Variants in HECW2 observed in about 807,000 individuals in gnomAD.
The protein encoded by HECW2 is HECT, C2 and WW domain containing E3 ubiquitin protein ligase 2.
Under a neutral mutation model 175.2 loss-of-function variants are expected in HECW2, and 61 were observed. That is an observed-to-expected ratio of 0.35 (90% CI 0.28 to 0.43). The LOEUF is 0.43. Ranked by LOEUF, HECW2 falls within the 20% of genes least tolerant of loss-of-function variation. The pLI, the probability that HECW2 is intolerant of heterozygous loss-of-function variation, is 1.00. For synonymous variants in HECW2, 671 were observed against 731.0 expected (o/e 0.92, Z 1.32); for missense variants, 1,524 against 2,000.5 (o/e 0.76, Z 4.54).
intron 19 of HECW2, 96 bp from the exon 20 acceptor site, chr2:196,242,300 C>G: frequency 6.8e-7 from 1 of 1,476,508 alleles, no homozygotes; most frequent in Non-Finnish European, 9.3e-7. Flanking sequence ...ATCAACAAGT[C>G]AAATGAGGCA....
chr2:196,460,257 ACT>A (rs1354497582), intron 1 of HECW2, among the ~76,000 whole-genome samples: 4 of 152,158 alleles, frequency 2.6e-5, no homozygotes, highest in African/African-American at 9.7e-5. Flanking sequence ...TAATTAAAAG[ACT>A]CTAAGAAATA....
intron 1 of HECW2, chr2:196,592,851 A>T (rs986918102): frequency 6.7e-6 from 1 of 150,022 alleles, no homozygotes; most frequent in Non-Finnish European, 1.5e-5. Flanking sequence ...AGTCGCCCGG[A>T]CCCGCGGCCC....
At chr2:196,464,357 T>C (rs774178493) in intron 1 of HECW2, among the ~76,000 whole-genome samples, 1 of 152,186 alleles carries the variant, frequency 6.6e-6, no homozygotes, top group Non-Finnish European at 1.5e-5. Flanking sequence ...GTTAGAATGA[T>C]AACTTAAGTA....
intron 15 of HECW2, among the ~76,000 whole-genome samples, chr2:196,274,360 CTCTT>C (rs1188188074): frequency 6.6e-6 from 1 of 152,166 alleles, no homozygotes; most frequent in Non-Finnish European, 1.5e-5. Flanking sequence ...GGGGCAGTGA[CTCTT>C]TACCAAGTGG....
intron 3 of HECW2, among the ~76,000 whole-genome samples, chr2:196,336,562 C>T (rs1348385311): frequency 6.6e-6 from 1 of 152,154 alleles, no homozygotes; most frequent in South Asian, 2.1e-4. Flanking sequence ...AGATATCTTC[C>T]CCTAACTCTG....
intron 17 of HECW2, 182 bp from the exon 18 acceptor site, chr2:196,258,088 G>C: frequency 7.4e-6 from 4 of 537,628 alleles, no homozygotes; most frequent in Non-Finnish European, 1.3e-5. Flanking sequence ...CAAGGGGGGG[G>C]ATCTTGTAAG....
intron 1 of HECW2, among the ~76,000 whole-genome samples, chr2:196,570,703 T>A (rs1690354059): frequency 6.6e-6 from 1 of 152,184 alleles, no homozygotes; most frequent in African/African-American, 2.4e-5. Context: ...AAGTATAATT[T>A]AAAAATAGAA....
chr2:196,436,120 G>C (rs927181215), intron 1 of HECW2, among the ~76,000 whole-genome samples: 4 of 152,220 alleles, frequency 2.6e-5, no homozygotes, highest in Non-Finnish European at 5.9e-5. Flanking sequence ...TGGTCTTCGA[G>C]CCGGGCCTGG....
In HECW2 at chr2:196,587,891, C is replaced by T. The variant is rs1691042827; in HGVS notation, c.-36+5617G>A. Among the ~76,000 whole-genome samples the T allele has an allele frequency of 2.6e-5, 4 of 152,200 alleles. No individual in the cohort carries two copies. In the South Asian group the frequency reaches 8.3e-4, roughly 32 times the overall value. ...TTCTGGTCTCATTTCTGACTTCCCC[C>T]TTGTCATTCCACCCCATCATGCTGA... On this transcript the variant is annotated intron_variant, in intron 1 of 28. Transcript: ENST00000644978.
chr2:196,463,310 G>C (rs1161642271), intron 1 of HECW2, among the ~76,000 whole-genome samples: 1 of 151,528 alleles, frequency 6.6e-6, no homozygotes, highest in Non-Finnish European at 1.5e-5. Flanking sequence ...AGCTGCCTCA[G>C]TGCCTAGAAT....
intron 1 of HECW2, among the ~76,000 whole-genome samples, chr2:196,456,298 G>C (rs1419990650): frequency 6.6e-6 from 1 of 152,158 alleles, no homozygotes; most frequent in Non-Finnish European, 1.5e-5. Context: ...AGGCAAAATT[G>C]TAAAGCAGAA....
intron 24 of HECW2, among the ~76,000 whole-genome samples, chr2:196,221,413 A>T (rs1210781389): frequency 6.6e-6 from 1 of 152,206 alleles, no homozygotes. Context: ...TATTAATTAT[A>T]AACTGGTATA....
chr2:196,382,511 A>T (rs548612190), intron 2 of HECW2, among the ~76,000 whole-genome samples: 113 of 152,040 alleles, frequency 7.4e-4, no homozygotes, highest in Non-Finnish European at 1.3e-3. Flanking sequence ...ACAGTTTTTT[A>T]AAAAATTAGA....
At chr2:196,297,116 G>A (rs373446271) in intron 13 of HECW2, among the ~76,000 whole-genome samples, 2 of 152,126 alleles carry the variant, frequency 1.3e-5, no homozygotes, top group East Asian at 3.8e-4. Flanking sequence ...CACTGCACGT[G>A]GACTCGAGTA....
At chr2:196,399,724 A>G (rs1392756097) in intron 2 of HECW2, among the ~76,000 whole-genome samples, 1 of 152,248 alleles carries the variant, frequency 6.6e-6, no homozygotes, top group Admixed American at 6.5e-5. Context: ...TTCTAACCAC[A>G]CAGTCTCCTA....
At chr2:196,478,372 T>C (rs1686731034) in intron 1 of HECW2, among the ~76,000 whole-genome samples, 1 of 152,222 alleles carries the variant, frequency 6.6e-6, no homozygotes, top group Non-Finnish European at 1.5e-5. Flanking sequence ...ATGAGTCTCC[T>C]GGCTGCTGGT....
chr2:196,355,189 GA>G, intron 2 of HECW2, among the ~76,000 whole-genome samples: 1 of 152,298 alleles, frequency 6.6e-6, no homozygotes, highest in East Asian at 1.9e-4. Context: ...ATGTTAGCAG[GA>G]ATGAGGTGTT....
intron 2 of HECW2, among the ~76,000 whole-genome samples, chr2:196,399,830 A>C (rs1559088262): frequency 6.6e-6 from 1 of 152,224 alleles, no homozygotes; most frequent in Admixed American, 6.5e-5. Context: ...ACAAACAGTT[A>C]AATAGCCTTT....
chr2:196,240,323 A>T, intron 21 of HECW2, 126 bp downstream of exon 21: 1 of 557,436 alleles, frequency 1.8e-6, no homozygotes, highest in Non-Finnish European at 3.1e-6. Context: ...CCAAAGGTTT[A>T]AGTGTATGAG....
Sources: gnomAD v4.1 joint callset for allele counts (sites outside exome capture counted in the v4.1 genomes callset) on GRCh38, gnomAD v4.1.1 for gene constraint, MANE v1.5 for transcripts, NCBI Gene and HGNC (gene_info 2026-07-23, HGNC 2026-07-21) for gene names.